KANSL3: variants seen among roughly 807,000 people sequenced by gnomAD.
KANSL3 encodes the protein KAT8 regulatory NSL complex subunit 3.
KANSL3 carries 16 observed loss-of-function variants against 89.2 expected under a neutral mutation model. That is an observed-to-expected ratio of 0.18 (90% CI 0.12 to 0.27). The LOEUF is 0.27. Ranked by LOEUF, KANSL3 falls within the 10% of genes least tolerant of loss-of-function variation. The pLI is 1.00. For synonymous variants in KANSL3, 385 were observed against 419.7 expected, an observed-to-expected ratio of 0.92 and a Z score of 1.01; for missense variants, 879 against 1,110.6, an observed-to-expected ratio of 0.79 and a Z score of 2.96.
intron 16 of KANSL3, 47 bp from the exon 17 acceptor site, chr2:96,604,427 C>T: frequency 1.3e-6 from 2 of 1,589,898 alleles, no homozygotes; most frequent in African/African-American, 2.7e-5. Flanking sequence ...CACAGGACAG[C>T]AAGCCCTAGC....
chr2:96,625,080 C>T (rs946869140), intron 3 of KANSL3, among the ~76,000 whole-genome samples: 2 of 151,922 alleles, frequency 1.3e-5, no homozygotes, highest in African/African-American at 2.4e-5. Flanking sequence ...CATGGTGGTA[C>T]GAGCCTGTAA....
At chr2:96,583,824 T>C in the KANSL3 span, among the ~76,000 whole-genome samples, 2 of 152,242 alleles carry the variant, frequency 1.3e-5, no homozygotes, top group Non-Finnish European at 2.9e-5. Context: ...TTTACTATAA[T>C]AGACTACCAC....
intron 3 of KANSL3, among the ~76,000 whole-genome samples, chr2:96,620,659 T>C (rs988239256): frequency 2.6e-5 from 4 of 152,210 alleles, no homozygotes; most frequent in East Asian, 1.9e-4. Flanking sequence ...AGAAAGGCAA[T>C]TGAAGATGCT....
chr2:96,637,181 G>T lies in KANSL3; in HGVS notation c.-46C>A. On this transcript the variant is annotated 5_prime_UTR_variant, in exon 2 of 21. Coordinates refer to ENST00000431828, the MANE Select transcript of KANSL3 (RefSeq NM_001115016.3). ...TCAGAGCATGGGTATCTGCATGCTA[G>T]TCACCTGCAGTGAAAAGTTTCAGTT... is the stretch of plus-strand genomic sequence containing the variant. 1 of 1,234,968 alleles carries T rather than the reference G, an allele frequency of 8.1e-7. No individual in the cohort carries two copies. The highest frequency in any genetic ancestry group is 1.1e-6 in the Non-Finnish European group (1 of 871,016). The allele number at this position is 1,234,968 out of a possible 1,614,324, so 76.5% of individuals were successfully genotyped here. A position where few individuals can be genotyped will look rare whatever the true frequency, so the allele number is the denominator to read the frequency against.
intron 3 of KANSL3, among the ~76,000 whole-genome samples, chr2:96,624,912 A>C (rs1399786911): frequency 6.6e-6 from 1 of 151,918 alleles, no homozygotes; most frequent in Non-Finnish European, 1.5e-5. Context: ...CTGTGTTATA[A>C]TCTCTGGATA....
chr2:96,582,035 G>C, the KANSL3 span, among the ~76,000 whole-genome samples: 1 of 152,058 alleles, frequency 6.6e-6, no homozygotes, highest in Non-Finnish European at 1.5e-5. Flanking sequence ...TTGCCCTAAG[G>C]TGTTATTCAC....
In KANSL3 at chr2:96,619,765, A is replaced by G. The variant is rs747351283; in HGVS notation, c.387-3T>C. ...TCTGGGCCATTGTCCAGCCAGTCCT[A>G]TAAGGGAAACTCTGAGGAATTATAG... is the stretch of plus-strand genomic sequence containing the variant. On this transcript the variant is annotated splice_polypyrimidine_tract_variant and splice_region_variant and intron_variant, in intron 3 of 20. Coordinates refer to ENST00000431828, the MANE Select transcript of KANSL3 (RefSeq NM_001115016.3). 6.4e-7 allele frequency: 1 copy of G among 1,553,664 alleles called. No individual in the cohort carries two copies. Among genetic ancestry groups the G allele is most frequent in the Admixed American group, 2.0e-5 (1 of 51,178 alleles).
At chr2:96,609,721 C>T (rs1435174719) in intron 11 of KANSL3, among the ~76,000 whole-genome samples, 159 bp from the exon 12 acceptor site, 1 of 152,004 alleles carries the variant, frequency 6.6e-6, no homozygotes, top group Non-Finnish European at 1.5e-5. Context: ...AACCTGTTTC[C>T]GTGTCTGCAA....
At chr2:96,601,231 G>T in intron 20 of KANSL3, 1 of 796,794 alleles carries the variant, frequency 1.3e-6, no homozygotes, top group Non-Finnish European at 1.5e-6. Context: ...TCACACCCCT[G>T]CACTCCAGCT....
In KANSL3 at chr2:96,612,465, C is replaced by T. The variant is rs763480549; in HGVS notation, c.1011G>A (p.Leu337=). The T allele has an allele frequency of 9.3e-6, 15 of 1,613,346 alleles. 1 individual carries two copies. In the Admixed American group the frequency reaches 2.2e-4, roughly 23 times the overall value. The change falls in exon 8 of 21, where the codon CTG becomes CTA. Residue 337 remains leucine, a synonymous_variant. Transcript: ENST00000431828. The part of the protein sequence containing the change: ...HMIGAVRSKV[L]EIHSHFPHKP... ...ACTGAAATACGGGCATTCTCACCTCCAGCACTTTGCTTCTCACTGCCCCAA... is the reference window on the plus strand; with the variant it reads ...ACTGAAATACGGGCATTCTCACCTCTAGCACTTTGCTTCTCACTGCCCCAA...
chr2:96,637,328 C>A (rs1012404522), intron 1 of KANSL3, 143 bp from the exon 2 acceptor site: 15 of 488,112 alleles, frequency 3.1e-5, no homozygotes, highest in African/African-American at 2.6e-4. Context: ...GGGGACGGTT[C>A]GTGGAATCCC....
chr2:96,621,859 T>C (rs1328688972), intron 3 of KANSL3, among the ~76,000 whole-genome samples: 1 of 152,180 alleles, frequency 6.6e-6, no homozygotes. Context: ...CTCACGCCTG[T>C]AATCCCTGCA....
chr2:96,609,629 C>A (rs1268529305), intron 11 of KANSL3, 67 bp from the exon 12 acceptor site: 1 of 1,417,162 alleles, frequency 7.1e-7, no homozygotes, highest in East Asian at 2.3e-5. Context: ...AAAATAAGAA[C>A]GTATTTCTTT....
At chr2:96,637,460 C>T (rs2074406954) in intron 1 of KANSL3, among the ~76,000 whole-genome samples, 1 of 152,178 alleles carries the variant, frequency 6.6e-6, no homozygotes, top group Non-Finnish European at 1.5e-5. Flanking sequence ...TCAGAAAGAC[C>T]TCGCGTGGAC....
chr2:96,600,886 A>T (rs751312437), intron 20 of KANSL3: 2 of 985,456 alleles, frequency 2.0e-6, no homozygotes, highest in Non-Finnish European at 2.4e-6. Flanking sequence ...CCAATGTCAA[A>T]GAAAGAGTAT....
chr2:96,582,008 C>T, the KANSL3 span, among the ~76,000 whole-genome samples: 1 of 152,194 alleles, frequency 6.6e-6, no homozygotes, highest in Non-Finnish European at 1.5e-5. Flanking sequence ...ATTATTTGTA[C>T]ATTAGATCTT....
chr2:96,611,215 T>G (rs1171581764), intron 9 of KANSL3, 77 bp from the exon 10 acceptor site: 1 of 1,203,310 alleles, frequency 8.3e-7, no homozygotes, highest in Non-Finnish European at 1.2e-6. Flanking sequence ...CCAGGAGTGG[T>G]CCAGACCCAC....
intron 14 of KANSL3, chr2:96,606,946 C>G (rs1366166968): frequency 8.1e-7 from 1 of 1,241,708 alleles, no homozygotes; most frequent in South Asian, 1.3e-5. Flanking sequence ...AGTGGACGAG[C>G]AGGCAAGAAA....
chr2:96,630,850 A>T (rs1006427149), intron 3 of KANSL3, among the ~76,000 whole-genome samples: 1 of 152,216 alleles, frequency 6.6e-6, no homozygotes, highest in Admixed American at 6.5e-5. Context: ...TAGCCTGCAA[A>T]TCTATTTTTA....
Sources: gnomAD v4.1 joint callset for allele counts (sites outside exome capture counted in the v4.1 genomes callset) on GRCh38, gnomAD v4.1.1 for gene constraint, MANE v1.5 for transcripts, NCBI Gene and HGNC (gene_info 2026-07-23, HGNC 2026-07-21) for gene names.